The following BCAS3 variants were observed in gnomAD, a reference collection of about 807,000 sequenced individuals.
BCAS3 encodes the protein BCAS3 microtubule associated cell migration factor, also known as BCAS4/BCAS3 fusion.
BCAS3 carries 53 observed loss-of-function variants against 116.1 expected under a neutral mutation model. The ratio of observed to expected loss-of-function variants is 0.46; its 90% CI spans 0.37 to 0.57. The LOEUF is 0.57. BCAS3 is among the 20% of genes least tolerant of loss of function. The probability of loss-of-function intolerance (pLI) is 0.00; values close to 1 mark genes in which losing one functional copy is unlikely to be tolerated. For missense variants in BCAS3, 917 were observed against 1,165.4 expected, an observed-to-expected ratio of 0.79 and a Z score of 3.10; for synonymous variants, 391 against 408.2, an observed-to-expected ratio of 0.96 and a Z score of 0.51.
chr17:60,741,901 G>A (rs1228671590), intron 5 of BCAS3, among the ~76,000 whole-genome samples: 2 of 152,076 alleles, frequency 1.3e-5, no homozygotes, highest in African/African-American at 4.8e-5. Flanking sequence ...AAAGACATTT[G>A]TGAGAATGTT....
chr17:61,012,607 C>A lies in BCAS3; in HGVS notation c.1487-3144C>A, dbSNP rs372941142. Among the ~76,000 whole-genome samples the A allele has an allele frequency of 6.6e-6, 1 of 152,046 alleles. No homozygotes were observed. Among genetic ancestry groups the A allele is most frequent in the Non-Finnish European group, 1.5e-5 (1 of 67,946 alleles). ...TTAATATGTAAGACAGACACCACCCCTACGAACATAAACATGAATGTAAAA... is the reference window on the plus strand; with the variant it reads ...TTAATATGTAAGACAGACACCACCCATACGAACATAAACATGAATGTAAAA... On this transcript the variant is annotated intron_variant, in intron 15 of 23. Coordinates refer to ENST00000407086, the MANE Select transcript of BCAS3 (RefSeq NM_017679.5). This position sits in a 1 kb window ranked among gnomAD's most constrained non-coding sequence, Gnocchi z 4.5.
At chr17:60,769,506 C>T (rs1173974792) in intron 6 of BCAS3, among the ~76,000 whole-genome samples, 1 of 152,174 alleles carries the variant, frequency 6.6e-6, no homozygotes, top group African/African-American at 2.4e-5. Flanking sequence ...AACCCTAGCC[C>T]CACCTCCAGC....
chr17:60,772,503 G>C (rs1330644144), intron 6 of BCAS3, among the ~76,000 whole-genome samples: 1 of 152,146 alleles, frequency 6.6e-6, no homozygotes, highest in South Asian at 2.1e-4. Context: ...CCATTCTGTA[G>C]GTTGCCTGTT....
intron 12 of BCAS3, among the ~76,000 whole-genome samples, chr17:60,913,965 G>A (rs1328883777): frequency 6.6e-6 from 1 of 152,128 alleles, no homozygotes; most frequent in African/African-American, 2.4e-5. Context: ...TATAATTGAA[G>A]TTAGCAATGT....
At position 61,282,728 on chromosome 17, in the gene BCAS3, C is replaced by A. The variant is rs902912338; in HGVS notation, c.2426-85599C>A. Among the ~76,000 whole-genome samples the A allele has an allele frequency of 6.6e-6, 1 of 152,150 alleles. No individual in the cohort carries two copies. The highest frequency in any genetic ancestry group is 1.9e-4 in the East Asian group (1 of 5,202). On this transcript the variant is annotated intron_variant, in intron 22 of 23. Transcript: ENST00000407086. The surrounding 1 kb of genome is among the most constrained non-coding windows in gnomAD (Gnocchi z 5.9). Reference sequence around the variant, plus strand: ...GACCCTTCCAGAAGTCTCTATACCTCACTTTGAGAGAATTTCCATTTTGGT... The same window carrying A: ...GACCCTTCCAGAAGTCTCTATACCTAACTTTGAGAGAATTTCCATTTTGGT...
At chr17:61,044,465 A>AAAAAAAAAAATATATATATAT in intron 19 of BCAS3, among the ~76,000 whole-genome samples, 3 of 120,114 alleles carry the variant, frequency 2.5e-5, no homozygotes, top group African/African-American at 1.5e-4. Context: ...AAAAAAAAAA[A>AAAAAAAAAAATATATATATAT]ATATATATAT....
chr17:61,010,488 C>T (rs2065038066), intron 15 of BCAS3, among the ~76,000 whole-genome samples: 1 of 149,918 alleles, frequency 6.7e-6, no homozygotes, highest in Non-Finnish European at 1.5e-5. Context: ...TTTCATAATT[C>T]CTTTTTTTTT....
chr17:60,806,014 A>T (rs1220406911), intron 6 of BCAS3, among the ~76,000 whole-genome samples: 1 of 151,202 alleles, frequency 6.6e-6, no homozygotes, highest in Admixed American at 6.6e-5. Flanking sequence ...GCCTGCCTCC[A>T]TGCTCGCGCT....
At chr17:60,735,073 TTGG>T (rs1660105548) in intron 5 of BCAS3, among the ~76,000 whole-genome samples, 1 of 152,360 alleles carries the variant, frequency 6.6e-6, no homozygotes, top group African/African-American at 2.4e-5. Flanking sequence ...TATTTCATTT[TTGG>T]TGGCACTAAT....
At chr17:60,866,442 T>C (rs944288385) in intron 7 of BCAS3, among the ~76,000 whole-genome samples, 4 of 152,168 alleles carry the variant, frequency 2.6e-5, no homozygotes, top group Admixed American at 2.6e-4. Flanking sequence ...TGCTAATATT[T>C]TCTTAATGAG....
At chr17:61,067,726 C>CAAAAAAAAAA (rs377228440) in intron 19 of BCAS3, among the ~76,000 whole-genome samples, 7 of 108,984 alleles carry the variant, frequency 6.4e-5, no homozygotes, top group Non-Finnish European at 1.1e-4. Context: ...AACAAACAAA[C>CAAAAAAAAAA]AAAAAAAAAA....
intron 22 of BCAS3, among the ~76,000 whole-genome samples, chr17:61,237,710 C>T (rs905345279): frequency 1.3e-5 from 2 of 152,170 alleles, no homozygotes; most frequent in Non-Finnish European, 2.9e-5. Flanking sequence ...CTCAGAGAAA[C>T]GAAGTAACTT....
chr17:60,753,756 GT>G (rs796884896), intron 6 of BCAS3, among the ~76,000 whole-genome samples: 6 of 152,256 alleles, frequency 3.9e-5, no homozygotes, highest in African/African-American at 1.4e-4. Context: ...TGGTCAGGAA[GT>G]AGTTCTTCCT....
intron 7 of BCAS3, among the ~76,000 whole-genome samples, chr17:60,815,188 G>A (rs1056764232): frequency 3.3e-5 from 5 of 152,064 alleles, no homozygotes; most frequent in African/African-American, 1.2e-4. Context: ...GCAAACTGTT[G>A]CAAGGACAAA....
At chr17:61,375,379 C>T (rs2059286450) in intron 23 of BCAS3, among the ~76,000 whole-genome samples, 1 of 151,984 alleles carries the variant, frequency 6.6e-6, no homozygotes, top group Non-Finnish European at 1.5e-5. Context: ...GTATTGGACC[C>T]CTCTCCTGCC....
In BCAS3 at chr17:61,144,664, C is replaced by T. The variant is rs1057259169; in HGVS notation, c.2425+60100C>T. On this transcript the variant is annotated intron_variant, in intron 22 of 23. Coordinates refer to ENST00000407086, the MANE Select transcript of BCAS3 (RefSeq NM_017679.5). This position sits in a 1 kb window ranked among gnomAD's most constrained non-coding sequence, Gnocchi z 5.0. ...GTAGTCATTTAACAATACAATATTT[C>T]TCTCGTGTTCTTGAGCATGTATTTA... 1.3e-5 allele frequency among the ~76,000 whole-genome samples: 2 copies of T among 152,158 alleles called. No homozygotes were observed. Among genetic ancestry groups the T allele is most frequent in the African/African-American group, 4.8e-5 (2 of 41,426 alleles).
chr17:61,353,887 C>T (rs1416821180), intron 22 of BCAS3: 1 of 152,250 alleles, frequency 6.6e-6, no homozygotes, highest in Non-Finnish European at 1.5e-5. Context: ...GCTCCGAACA[C>T]ACTTTGTGTG....
chr17:60,707,815 AT>A (rs146110546), intron 4 of BCAS3, among the ~76,000 whole-genome samples: 10,660 of 152,196 alleles, frequency 0.07, 1,241 homozygotes, highest in African/African-American at 0.24. Flanking sequence ...GATTTTTCCG[AT>A]GTTAAACCAT....
intron 6 of BCAS3, among the ~76,000 whole-genome samples, chr17:60,792,086 G>A (rs1479868067): frequency 6.6e-6 from 1 of 152,182 alleles, no homozygotes; most frequent in Non-Finnish European, 1.5e-5. Context: ...TCGTGCCACT[G>A]TACTCCATCT....
Sources: gnomAD v4.1 joint callset for allele counts (sites outside exome capture counted in the v4.1 genomes callset) on GRCh38, gnomAD v4.1.1 for gene constraint, Gnocchi (gnomAD v3.1) non-coding constraint, MANE v1.5 for transcripts, NCBI Gene and HGNC (gene_info 2026-07-23, HGNC 2026-07-21) for gene names.